SNAP23: variants seen among roughly 807,000 people sequenced by gnomAD.
SNAP23 encodes synaptosomal-associated protein 23.
A neutral mutation model predicts 29.0 loss-of-function variants in SNAP23; 11 were observed. The ratio of observed to expected loss-of-function variants is 0.38; its 90% CI spans 0.24 to 0.63. SNAP23 has a LOEUF of 0.63. Ranked by LOEUF, SNAP23 falls within the 20% of genes least tolerant of loss-of-function variation. The probability of loss-of-function intolerance (pLI) is 0.58; values close to 1 mark genes in which losing one functional copy is unlikely to be tolerated. For synonymous variants in SNAP23, 60 were observed against 82.9 expected, an observed-to-expected ratio of 0.72 and a Z score of 1.50; for missense variants, 220 against 253.9, an observed-to-expected ratio of 0.87 and a Z score of 0.91.
At chr15:42,504,112 T>A (rs1400238605) in intron 1 of SNAP23, among the ~76,000 whole-genome samples, 1 of 151,710 alleles carries the variant, frequency 6.6e-6, no homozygotes, top group African/African-American at 2.4e-5. Context: ...GGAGCATCAC[T>A]TGAGGCCAGG....
At chr15:42,498,216 C>A (rs2057239671) in intron 1 of SNAP23, among the ~76,000 whole-genome samples, 1 of 152,186 alleles carries the variant, frequency 6.6e-6, no homozygotes, top group Non-Finnish European at 1.5e-5. Flanking sequence ...AGTGGGGATT[C>A]TGGGGGGTGG....
chr15:42,513,558 T>C (rs746298506), intron 4 of SNAP23, 111 bp downstream of exon 4: 6 of 802,392 alleles, frequency 7.5e-6, no homozygotes, highest in Non-Finnish European at 1.3e-5. Flanking sequence ...CTTTGTAAAA[T>C]AAGAATGTTA....
chr15:42,499,178 C>T (rs1445995646), intron 1 of SNAP23, among the ~76,000 whole-genome samples: 2 of 152,008 alleles, frequency 1.3e-5, no homozygotes, highest in Admixed American at 6.6e-5. Context: ...AAGCGATTCT[C>T]CTGCCTCAGC....
At chr15:42,494,982 A>C (rs1343829707), upstream of SNAP23, among the ~76,000 whole-genome samples, 3 of 152,176 alleles carry the variant, frequency 2.0e-5, no homozygotes, top group African/African-American at 7.2e-5. Flanking sequence ...AGGCCTTCCA[A>C]GATCTAGCGA....
intron 1 of SNAP23, among the ~76,000 whole-genome samples, chr15:42,507,455 T>C (rs867268666): frequency 1.3e-5 from 2 of 152,276 alleles, no homozygotes; most frequent in Middle Eastern, 6.8e-3. Flanking sequence ...TCTTGCATTT[T>C]CCTCTGAAAG....
chr15:42,516,499 T>C (rs1037502799), intron 5 of SNAP23, among the ~76,000 whole-genome samples: 2 of 151,968 alleles, frequency 1.3e-5, no homozygotes, highest in African/African-American at 4.8e-5. Context: ...CCCAGCTAAT[T>C]TTTGTATTTT....
intron 6 of SNAP23, among the ~76,000 whole-genome samples, chr15:42,528,767 G>T (rs1417642889): frequency 6.6e-6 from 1 of 151,982 alleles, no homozygotes; most frequent in Non-Finnish European, 1.5e-5. Context: ...TGTATTTTTA[G>T]TAGAGACAGG....
chr15:42,502,696 TG>T (rs1309133184), intron 1 of SNAP23, among the ~76,000 whole-genome samples: 1 of 152,208 alleles, frequency 6.6e-6, no homozygotes, highest in Non-Finnish European at 1.5e-5. Flanking sequence ...TGTCTCTTCC[TG>T]GGTAGATTGC....
intron 1 of SNAP23, among the ~76,000 whole-genome samples, chr15:42,508,658 C>G (rs1466210524): frequency 1.3e-5 from 2 of 152,194 alleles, no homozygotes; most frequent in African/African-American, 2.4e-5. Flanking sequence ...CCAGTTATAT[C>G]TGCTTTCTTT....
At chr15:42,511,662 C>T (rs1038049112) in intron 1 of SNAP23, among the ~76,000 whole-genome samples, 171 bp from the exon 2 acceptor site, 2 of 152,136 alleles carry the variant, frequency 1.3e-5, no homozygotes, top group African/African-American at 2.4e-5. Context: ...TAGCCTCTCT[C>T]GGTCTTGATT....
chr15:42,513,045 A>C, intron 3 of SNAP23, 49 bp downstream of exon 3: 2 of 1,277,020 alleles, frequency 1.6e-6, no homozygotes, highest in Non-Finnish European at 2.3e-6. Context: ...TATAGGAGCG[A>C]TCCTAATACT....
intron 1 of SNAP23, among the ~76,000 whole-genome samples, chr15:42,500,186 A>G (rs1423238139): frequency 6.5e-5 from 1 of 15,348 alleles, no homozygotes; most frequent in Non-Finnish European, 1.3e-4. Context: ...CCCCGCCCCA[A>G]TTTGGTTCCT....
intron 1 of SNAP23, 143 bp downstream of exon 1, chr15:42,495,856 G>C (rs2057214952): frequency 6.6e-6 from 1 of 152,412 alleles, no homozygotes; most frequent in South Asian, 2.1e-4. Flanking sequence ...GCCCTTACTC[G>C]GCAGATGGGC....
chr15:42,494,665 GC>G (rs1265310885), upstream of SNAP23, among the ~76,000 whole-genome samples: 3 of 151,902 alleles, frequency 2.0e-5, no homozygotes, highest in Non-Finnish European at 4.4e-5. Context: ...ACAGGCGCCT[GC>G]CACCATGCCC....
chr15:42,505,193 C>G (rs998384852), intron 1 of SNAP23: 5 of 151,676 alleles, frequency 3.3e-5, no homozygotes, highest in Non-Finnish European at 7.4e-5. Context: ...CTCCCAGGCT[C>G]AAGCCACAGA....
intron 5 of SNAP23, among the ~76,000 whole-genome samples, chr15:42,523,686 C>T (rs1191767359): frequency 6.6e-6 from 1 of 152,212 alleles, no homozygotes; most frequent in African/African-American, 2.4e-5. Flanking sequence ...GTTTTACGTA[C>T]AAAGAAAGGG....
At chr15:42,525,813 T>C (rs1384405681) in intron 5 of SNAP23, among the ~76,000 whole-genome samples, 1 of 152,132 alleles carries the variant, frequency 6.6e-6, no homozygotes, top group African/African-American at 2.4e-5. Context: ...TCTGATTCTT[T>C]GTTTATAGAC....
intron 1 of SNAP23, among the ~76,000 whole-genome samples, chr15:42,497,077 C>CT (rs1397201651): frequency 9.4e-5 from 14 of 149,678 alleles, no homozygotes; most frequent in Non-Finnish European, 1.3e-4. Flanking sequence ...GTCTCACACT[C>CT]TGTCACCCAG....
intron 5 of SNAP23, among the ~76,000 whole-genome samples, chr15:42,524,044 C>T (rs2057472951): frequency 6.6e-6 from 1 of 151,908 alleles, no homozygotes; most frequent in Admixed American, 6.6e-5. Flanking sequence ...TCTTGAACTC[C>T]TGACCTCACG....
Sources: allele counts gnomAD v4.1 joint callset (sites outside exome capture counted in the v4.1 genomes callset), GRCh38; gene constraint gnomAD v4.1.1; transcripts MANE v1.5; gene names NCBI Gene and HGNC (gene_info 2026-07-23, HGNC 2026-07-21).